ACOX1: variants seen among roughly 807,000 people sequenced by gnomAD.
The protein encoded by ACOX1 is peroxisomal acyl-coenzyme A oxidase 1.
Under a neutral mutation model 75.5 loss-of-function variants are expected in ACOX1, and 41 were observed. That is an observed-to-expected ratio of 0.54 (90% confidence interval 0.42 to 0.70). ACOX1 has a LOEUF of 0.70. ACOX1 is among the 30% of genes least tolerant of loss of function. The probability of loss-of-function intolerance (pLI) is 0.00; values close to 1 mark genes in which losing one functional copy is unlikely to be tolerated. For synonymous variants in ACOX1, 303 were observed against 298.8 expected (o/e 1.01, Z -0.15); for missense variants, 630 against 837.5 (o/e 0.75, Z 3.06).
chr17:75,949,114 G>T, intron 12 of ACOX1, 103 bp downstream of exon 12: 1 of 1,366,820 alleles, frequency 7.3e-7, no homozygotes, highest in Non-Finnish European at 1.0e-6. Context: ...CCCGCCTTGG[G>T]CTCCCAAAGT....
In ACOX1 at chr17:75,979,015, G is replaced by A. The variant is rs777125514; in HGVS notation, c.59C>T (p.Thr20Ile). 2 of 1,612,324 alleles carry A rather than the reference G, an allele frequency of 1.2e-6. No homozygotes were observed. The highest frequency in any genetic ancestry group is 2.2e-5 in the East Asian group (1 of 44,878). Residue 20 changes from threonine to isoleucine, a missense_variant, in exon 1 of 14, where the codon ACA (threonine) becomes ATA (isoleucine). Physicochemically the swap from Thr to Ile is moderately conservative, Grantham distance 89. Transcript: ENST00000293217. ...CTCGGGGCTGCCGTCCAGGATGTGT[G>A]TAAGCAGCTCCGGGTTGAAGCTGGC... is the stretch of plus-strand genomic sequence containing the variant. ...DSASFNPELL[T>I]HILDGSPEKT...
At chr17:75,967,661 CATATATATACATAT>C (rs1396250464) in intron 2 of ACOX1, among the ~76,000 whole-genome samples, 1 of 93,304 alleles carries the variant, frequency 1.1e-5, no homozygotes, top group Non-Finnish European at 2.0e-5. Flanking sequence ...TATATACATA[CATATATATACATAT>C]ATATACGTAT....
At position 75,945,258 on chromosome 17, in the gene ACOX1, A is replaced by G. The variant is rs1567870145; in HGVS notation, c.*1490T>C. The stretch of plus-strand genomic sequence containing the variant: ...AATTCTACATCTAGCAGGTCAGTTT[A>G]TCATTTTCCAGAATCTGAACTACTG... On this transcript the variant is annotated 3_prime_UTR_variant, in exon 14 of 14. Coordinates refer to ENST00000293217, the MANE Select transcript of ACOX1 (RefSeq NM_004035.7). 6.6e-6 allele frequency: 1 copy of G among 152,224 alleles called. No homozygotes were observed. Among genetic ancestry groups the G allele is most frequent in the African/African-American group, 2.4e-5 (1 of 41,464 alleles). The allele number at this position is 152,224 out of a possible 1,614,324, so 9.4% of individuals were successfully genotyped here. A position where few individuals can be genotyped will look rare whatever the true frequency, so the allele number is the denominator to read the frequency against.
In ACOX1 at chr17:75,978,777, A is replaced by G. The variant is rs564781065; in HGVS notation, c.110-84T>C. ...CTCCCTGAATCACAATAGGCTTCAG[A>G]GTCGCGGACACACCTGGGGAATGGC... On this transcript the variant is annotated intron_variant, in intron 1 of 13. Transcript: ENST00000293217. This position sits in a 1 kb window ranked among gnomAD's most constrained non-coding sequence, Gnocchi z 4.2. The G allele has an allele frequency of 6.3e-5, 102 of 1,609,898 alleles. No homozygotes were observed. In the South Asian group the frequency reaches 1.1e-3, roughly 17 times the overall value.
At chr17:75,948,591 G>C (rs2065744167) in intron 12 of ACOX1, 134 bp from the exon 13 acceptor site, 4 of 817,196 alleles carry the variant, frequency 4.9e-6, no homozygotes, top group Non-Finnish European at 7.7e-6. Context: ...TTTCACTCTT[G>C]TTGCCCAGGC....
At position 75,950,540 on chromosome 17, in the gene ACOX1, G is replaced by A. The variant is rs1018102135; in HGVS notation, c.1298+234C>T. Among the ~76,000 whole-genome samples, 2 of 152,114 alleles carry A rather than the reference G, an allele frequency of 1.3e-5. No homozygotes were observed. The highest frequency in any genetic ancestry group is 2.9e-5 in the Non-Finnish European group (2 of 68,028). On this transcript the variant is annotated intron_variant, in intron 9 of 13. Coordinates refer to ENST00000293217, the MANE Select transcript of ACOX1 (RefSeq NM_004035.7). This position sits in a 1 kb window ranked among gnomAD's most constrained non-coding sequence, Gnocchi z 4.3. Reference sequence around the variant, plus strand: ...GCTGGGATTACAGTCATGAGCCACTGTGCCCAGCCCAGTAACTCTATCCTT... The same window carrying A: ...GCTGGGATTACAGTCATGAGCCACTATGCCCAGCCCAGTAACTCTATCCTT...
chr17:75,967,754 T>A (rs573649873), intron 2 of ACOX1, among the ~76,000 whole-genome samples: 4 of 145,722 alleles, frequency 2.7e-5, no homozygotes, highest in East Asian at 4.0e-4. Context: ...ATATATATAT[T>A]TTTTGAGACA....
chr17:75,972,725 T>C (rs1259627032), intron 2 of ACOX1, among the ~76,000 whole-genome samples: 2 of 152,034 alleles, frequency 1.3e-5, no homozygotes, highest in Non-Finnish European at 2.9e-5. Flanking sequence ...ACTGACCATC[T>C]TGAAGTTGAA....
At chr17:75,952,981 T>C (rs2065788371) in intron 7 of ACOX1, among the ~76,000 whole-genome samples, 1 of 152,154 alleles carries the variant, frequency 6.6e-6, no homozygotes, top group Non-Finnish European at 1.5e-5. Flanking sequence ...GGCCAGTTTC[T>C]TTATTCCTTA....
chr17:75,946,916 T>G, intron 13 of ACOX1, 121 bp from the exon 14 acceptor site: 1 of 857,228 alleles, frequency 1.2e-6, no homozygotes. Flanking sequence ...TTGCTCAGGC[T>G]GGAGTGCAGT....
At chr17:75,973,819 C>A in intron 2 of ACOX1, 3 of 1,611,674 alleles carry the variant, frequency 1.9e-6, no homozygotes, top group Non-Finnish European at 2.5e-6. Context: ...TCTCAGCCTT[C>A]CTTTAGAAAC....
intron 2 of ACOX1, among the ~76,000 whole-genome samples, chr17:75,964,482 G>A (rs1407049195): frequency 6.6e-6 from 1 of 152,178 alleles, no homozygotes; most frequent in Non-Finnish European, 1.5e-5. Context: ...ATTTACATCT[G>A]AGTGTACCAC....
intron 2 of ACOX1, among the ~76,000 whole-genome samples, chr17:75,969,516 T>A (rs959974961): frequency 1.3e-5 from 2 of 152,072 alleles, no homozygotes; most frequent in African/African-American, 4.8e-5. Context: ...ATTGGTGAAA[T>A]TTAGCCCAAA....
At chr17:75,959,070 A>T (rs550233284) in intron 3 of ACOX1, among the ~76,000 whole-genome samples, 1 of 152,314 alleles carries the variant, frequency 6.6e-6, no homozygotes, top group East Asian at 1.9e-4. Context: ...AGAGTCATAG[A>T]AAAATGTTCT....
rs779125488 is a variant in ACOX1, at chr17:75,950,033, G to A, written c.1299-136C>T. 76 of 918,964 alleles carry A rather than the reference G, an allele frequency of 8.3e-5. No individual in the cohort carries two copies. Among genetic ancestry groups the A allele is most frequent in the Non-Finnish European group, 1.3e-4 (74 of 587,694 alleles). 56.9% of individuals were successfully genotyped at this position (918,964 alleles called of 1,614,324 possible). ...CAGCTCACTGCAACCTCCTCCTCTT[G>A]GGTTCAAATGAATGATTCTCCTGCC... On this transcript the variant is annotated intron_variant, in intron 9 of 13. Transcript: ENST00000293217. The surrounding 1 kb of genome is among the most constrained non-coding windows in gnomAD (Gnocchi z 4.3).
chr17:75,949,318 G>C lies in ACOX1; in HGVS notation c.1627C>G (p.Leu543Val). 6.2e-7 allele frequency: 1 copy of C among 1,614,170 alleles called. No homozygotes were observed. Among genetic ancestry groups the C allele is most frequent in the Non-Finnish European group, 8.5e-7 (1 of 1,180,022 alleles). ...ATGGCTTTATCTTGAATTTTGAGGA[G>C]TTTTTCTGAAAAGAGCTTAACTACC... ...YVVVKLFSEK[L>V]LKIQDKAIQA... is the part of the protein sequence containing the mutation. The change falls in exon 12 of 14, where the codon CTC becomes GTC. Residue 543 changes from leucine to valine, a missense_variant. Leu to Val is a conservative substitution (Grantham distance 32). Coordinates refer to ENST00000293217, the MANE Select transcript of ACOX1 (RefSeq NM_004035.7).
In ACOX1 at chr17:75,967,695, T is replaced by TACATATATATACATATATATATAC. The variant is rs1567885374; in HGVS notation, c.270-7344_270-7321dup. ...ACATATATATACGTATATATATACA[T>TACATATATATACATATATATATAC]ACATATATATACATATATATATACA... On this transcript the variant is annotated intron_variant, in intron 2 of 13. Transcript: ENST00000293217. 4.2e-4 allele frequency among the ~76,000 whole-genome samples: 57 copies of TACATATATATACATATATATATAC among 136,238 alleles called. 2 individuals are homozygous for TACATATATATACATATATATATAC. The highest frequency in any genetic ancestry group is 6.4e-4 in the Non-Finnish European group (41 of 63,858). 89.4% of individuals were successfully genotyped at this position (136,238 alleles called of 152,430 possible).
intron 2 of ACOX1, among the ~76,000 whole-genome samples, chr17:75,977,362 T>C (rs1018932144): frequency 5.3e-5 from 8 of 151,260 alleles, no homozygotes; most frequent in African/African-American, 1.9e-4. Context: ...AGGTGAGGAG[T>C]TTGAGACCAG....
At chr17:75,963,919 CATGCCTATAATCCCAGTACTTT>C (rs2065908008) in intron 2 of ACOX1, among the ~76,000 whole-genome samples, 1 of 150,968 alleles carries the variant, frequency 6.6e-6, no homozygotes, top group African/African-American at 2.4e-5. Flanking sequence ...CACGGTGGCT[CATGCCTATAATCCCAGTACTTT>C]GGGGGGCCAA....
Sources: gnomAD v4.1 joint callset for allele counts (sites outside exome capture counted in the v4.1 genomes callset) on GRCh38, gnomAD v4.1.1 for gene constraint, Gnocchi (gnomAD v3.1) non-coding constraint, MANE v1.5 for transcripts, NCBI Gene and HGNC (gene_info 2026-07-23, HGNC 2026-07-21) for gene names.